POSTN: variants seen among roughly 807,000 people sequenced by gnomAD.
POSTN encodes periostin, also known as osteoblast specific factor 2 (fasciclin I-like).
POSTN carries 71 observed loss-of-function variants against 104.5 expected under a neutral mutation model. The observed-to-expected ratio is 0.68, with a 90% CI of 0.56 to 0.83. The LOEUF is 0.83. Among genes scored for constraint, POSTN ranks in the 40% least tolerant of loss-of-function variants. POSTN has a pLI of 0.00. For missense variants in POSTN, 949 were observed against 1,006.8 expected, an observed-to-expected ratio of 0.94 and a Z score of 0.78; for synonymous variants, 355 against 340.7, an observed-to-expected ratio of 1.04 and a Z score of -0.46.
rs1342114846 is a variant in POSTN at position 37,570,592 on chromosome 13, G to T, written c.2257C>A (p.Arg753=). 1 of 1,597,156 alleles carries T rather than the reference G, an allele frequency of 6.3e-7. No homozygotes were observed. Among genetic ancestry groups the T allele is most frequent in the East Asian group, 2.2e-5 (1 of 44,622 alleles). ...EITEKETREE[R]IITGPEIKYT... ...AATTAATGGCTACCTGTAATGATTC[G>T]TTCTTCTCGTGTCTCTTTTTCAGTT... is the stretch of plus-strand genomic sequence containing the variant. The change falls in exon 19 of 23, where the codon CGA becomes AGA. Residue 753 remains arginine (R), a synonymous_variant. Transcript: ENST00000379747.
Position 37,586,770 on chromosome 13 carries a change from T to C in POSTN, c.753+12A>G, listed in dbSNP as rs1438593271. On this transcript the variant is annotated intron_variant, in intron 6 of 22. Transcript: ENST00000379747. ...ATTTCAATGACTCAAGACAATCTGCTCTTGGACTTACTCTAAAAGATGAAA... is the reference window on the plus strand; with the variant it reads ...ATTTCAATGACTCAAGACAATCTGCCCTTGGACTTACTCTAAAAGATGAAA... The C allele has an allele frequency of 6.2e-7, 1 of 1,608,472 alleles. No homozygotes were observed.
intron 16 of POSTN, among the ~76,000 whole-genome samples, chr13:37,575,543 C>G (rs1044476014): frequency 6.6e-6 from 1 of 152,088 alleles, no homozygotes; most frequent in Non-Finnish European, 1.5e-5. Flanking sequence ...AAATGTGCCT[C>G]TGAAGCCACA....
In POSTN at chr13:37,579,296, T is replaced by C; in HGVS notation, c.1724A>G (p.Lys575Arg). The C allele has an allele frequency of 2.5e-6, 4 of 1,605,306 alleles. No individual in the cohort carries two copies. The highest frequency in any genetic ancestry group is 3.4e-6 in the Non-Finnish European group (4 of 1,172,074). The change falls in exon 13 of 23, where the codon AAA becomes AGA. Residue 575 changes from lysine to arginine, a missense_variant. Coordinates refer to ENST00000379747, the MANE Select transcript of POSTN (RefSeq NM_006475.3). Reference protein sequence around the residue: ...YHLTPGVFIGKGFEPGVTNIL... With the variant: ...YHLTPGVFIGRGFEPGVTNIL... The stretch of plus-strand genomic sequence containing the variant: ...GTTAGTAACACCAGGTTCAAATCCT[T>C]TTCCAATGAAAACTCCTGGTGTCAG...
At chr13:37,571,998 G>C (rs979385402) in intron 17 of POSTN, among the ~76,000 whole-genome samples, 1 of 151,506 alleles carries the variant, frequency 6.6e-6, no homozygotes, top group African/African-American at 2.4e-5. Flanking sequence ...GTTTTATGAG[G>C]AAAATAATTT....
intron 7 of POSTN, among the ~76,000 whole-genome samples, chr13:37,585,637 G>A (rs1277080851): frequency 6.6e-6 from 1 of 152,072 alleles, no homozygotes; most frequent in African/African-American, 2.4e-5. Flanking sequence ...TCTTAAATTG[G>A]TTAAATGTAT....
intron 16 of POSTN, among the ~76,000 whole-genome samples, chr13:37,577,145 T>G (rs1950433394): frequency 6.6e-6 from 1 of 152,162 alleles, no homozygotes; most frequent in Non-Finnish European, 1.5e-5. Context: ...CTTATGAGAA[T>G]GAAATACCCT....
chr13:37,598,459 A>G, intron 1 of POSTN, 149 bp downstream of exon 1: 1 of 616,492 alleles, frequency 1.6e-6, no homozygotes, highest in Non-Finnish European at 2.7e-6. Context: ...TAAATCACAG[A>G]ATACTCACAT....
intron 21 of POSTN, chr13:37,568,570 G>GAAGTAGA (rs1342132310): frequency 2.4e-4 from 37 of 151,866 alleles, no homozygotes; most frequent in African/African-American, 8.2e-4. Context: ...TTCTTTCCTT[G>GAAGTAGA]TTAAAAAATG....
intron 17 of POSTN, chr13:37,571,665 A>T: frequency 2.2e-6 from 1 of 459,268 alleles, no homozygotes; most frequent in Non-Finnish European, 3.9e-6. Flanking sequence ...TTTGTGTGCT[A>T]CTAAAATTAC....
chr13:37,597,094 A>G, intron 2 of POSTN, 90 bp downstream of exon 2: 2 of 789,176 alleles, frequency 2.5e-6, no homozygotes, highest in Non-Finnish European at 3.8e-6. Context: ...AGTATTTTCA[A>G]GAAGAATGGT....
rs535094879 is a variant in POSTN, at chr13:37,592,447, T to C, written c.219-283A>G. Among the ~76,000 whole-genome samples the C allele has an allele frequency of 8.5e-4, 129 of 152,180 alleles. 1 individual carries two copies. The highest frequency in any genetic ancestry group is 1.2e-3 in the South Asian group (6 of 4,826). ...CCGAGTAGCTGGGACTACAGGCGCC[T>C]ACCACCACGCCTGGCTAATTTTTTG... On this transcript the variant is annotated intron_variant, in intron 2 of 22. Transcript: ENST00000379747.
chr13:37,579,150 G>A (rs757781270), intron 13 of POSTN, 29 bp from the exon 14 acceptor site: 1 of 1,604,138 alleles, frequency 6.2e-7, no homozygotes, highest in South Asian at 1.1e-5. Context: ...ATTTCAATGA[G>A]GAAATTTCAT....
intron 16 of POSTN, among the ~76,000 whole-genome samples, chr13:37,575,481 A>T (rs562670051): frequency 0.018 from 2,177 of 119,454 alleles, 57 homozygotes; most frequent in African/African-American, 0.085. Context: ...AATTAAAATA[A>T]ATTAAATACC....
At chr13:37,590,846 G>T (rs181445800) in intron 3 of POSTN, among the ~76,000 whole-genome samples, 2,081 of 152,144 alleles carry the variant, frequency 0.014, 23 homozygotes, top group Non-Finnish European at 0.019. Flanking sequence ...AATATTATCT[G>T]TTATTTAAAT....
intron 2 of POSTN, among the ~76,000 whole-genome samples, chr13:37,592,921 A>G (rs1950982356): frequency 6.6e-6 from 1 of 152,120 alleles, no homozygotes; most frequent in Non-Finnish European, 1.5e-5. Context: ...ACATTGACCC[A>G]TTGGAGTCCG....
rs1949986477 is a variant in POSTN, at chr13:37,563,350, C to G, written c.2494G>C (p.Glu832Gln). Reference protein sequence around the residue: ...KVQGSRRRLREGRSQ With the variant: ...KVQGSRRRLRQGRSQ ...TTGGATTTTCACTGAGAACGACCTT[C>G]CCTTAATCGTCTTCTAGATCCTAAT... Residue 832 changes from glutamate (E) to glutamine (Q), a missense_variant, in exon 23 of 23, where the codon GAA (glutamate) becomes CAA (glutamine). Transcript: ENST00000379747. The G allele has an allele frequency of 6.3e-7, 1 of 1,587,628 alleles. No individual in the cohort carries two copies.
At chr13:37,577,242 T>A (rs1436317969) in intron 16 of POSTN, among the ~76,000 whole-genome samples, 1 of 152,198 alleles carries the variant, frequency 6.6e-6, no homozygotes, top group Non-Finnish European at 1.5e-5. Context: ...AACTTTAAAT[T>A]TGTCACATGG....
At chr13:37,582,339 CT>C in intron 10 of POSTN, 26 bp downstream of exon 10, 1 of 1,580,902 alleles carries the variant, frequency 6.3e-7, no homozygotes, top group Non-Finnish European at 8.6e-7. Context: ...ATTTGACAGA[CT>C]TTTTATTTTG....
chr13:37,569,742 AC>A lies in POSTN; in HGVS notation c.2347+1del, dbSNP rs1566543276. ...CATTCTTATTTTCCTAGAAATGCTG[AC>A]CTTCTTGTAACAATTTCTTCAGAGT... On this transcript the variant is annotated splice_donor_variant, in intron 20 of 22. Coordinates refer to ENST00000379747, the MANE Select transcript of POSTN (RefSeq NM_006475.3). LOFTEE classifies it high-confidence loss of function. 7 of 1,580,246 alleles carry A rather than the reference AC, an allele frequency of 4.4e-6. No individual in the cohort carries two copies. Among genetic ancestry groups the A allele is most frequent in the Non-Finnish European group, 6.1e-6 (7 of 1,150,480 alleles).
Sources: allele counts gnomAD v4.1 joint callset (sites outside exome capture counted in the v4.1 genomes callset), GRCh38; gene constraint gnomAD v4.1.1; transcripts MANE v1.5; gene names NCBI Gene and HGNC (gene_info 2026-07-23, HGNC 2026-07-21).